SUMF1: variants seen among roughly 807,000 people sequenced by gnomAD.
SUMF1 encodes the protein sulfatase modifying factor 1.
In SUMF1, 48 loss-of-function variants were observed where a neutral mutation model predicts 47.6. That is an observed-to-expected ratio of 1.01 (90% CI 0.80 to 1.28). The LOEUF is 1.28. Among genes scored for constraint, SUMF1 ranks in the 50% most tolerant of loss-of-function variants. SUMF1 has a pLI of 0.00. For missense variants in SUMF1, 571 were observed against 485.4 expected, an observed-to-expected ratio of 1.18 and a Z score of -1.66; for synonymous variants, 230 against 192.1, an observed-to-expected ratio of 1.20 and a Z score of -1.63.
rs187158177 is a variant in SUMF1, at chr3:4,312,765, T to C, written c.1014+63565A>G. 9.5e-4 allele frequency: 940 copies of C among 994,366 alleles called. 6 individuals are homozygous for C. The highest frequency in any genetic ancestry group is 4.2e-3 in the Middle Eastern group (15 of 3,586). The allele number at this position is 994,366 out of a possible 1,614,324, so 61.6% of individuals were successfully genotyped here. On this transcript the variant is annotated intron_variant and NMD_transcript_variant, in intron 8 of 12. Transcript: ENST00000448413. ...GATGTTTTTGGACAATATCTTAGTA[T>C]GCTGTGTTTTGACAGTTTTGTCCTG...
chr3:4,212,860 G>GA (rs1248312402), intron 8 of SUMF1, among the ~76,000 whole-genome samples: 3 of 152,078 alleles, frequency 2.0e-5, no homozygotes, highest in Non-Finnish European at 2.9e-5. Context: ...CAAAATTAGA[G>GA]AAAAAATTAT....
chr3:4,177,275 C>T (rs1694987484), intron 8 of SUMF1, among the ~76,000 whole-genome samples: 1 of 152,070 alleles, frequency 6.6e-6, no homozygotes, highest in African/African-American at 2.4e-5. Flanking sequence ...CTAAAATTGA[C>T]CACATAATTG....
chr3:4,252,039 A>G (rs893732351), intron 8 of SUMF1, among the ~76,000 whole-genome samples: 1 of 152,208 alleles, frequency 6.6e-6, no homozygotes, highest in African/African-American at 2.4e-5. Context: ...CCAAACCTGC[A>G]ATATCTGCAA....
chr3:4,373,631 CAAT>C (rs1302162986), intron 8 of SUMF1, among the ~76,000 whole-genome samples: 2 of 149,992 alleles, frequency 1.3e-5, no homozygotes, highest in African/African-American at 4.9e-5. Flanking sequence ...TCAAACATTT[CAAT>C]AATAACACTA....
chr3:4,363,371 C>T (rs534431742), intron 8 of SUMF1, among the ~76,000 whole-genome samples: 88 of 152,196 alleles, frequency 5.8e-4, no homozygotes, highest in Non-Finnish European at 1.1e-3. Flanking sequence ...ATTGCTCTTC[C>T]ATTTCTTTGT....
chr3:4,281,931 GA>G (rs1697538078), intron 8 of SUMF1, among the ~76,000 whole-genome samples: 1 of 152,032 alleles, frequency 6.6e-6, no homozygotes, highest in Non-Finnish European at 1.5e-5. Context: ...ATTTCAGAAA[GA>G]AAGACAAATT....
At chr3:4,199,137 A>G (rs1278621221) in intron 8 of SUMF1, among the ~76,000 whole-genome samples, 1 of 152,110 alleles carries the variant, frequency 6.6e-6, no homozygotes, top group African/African-American at 2.4e-5. Flanking sequence ...GTTGCCTTGT[A>G]TCCAATTGCC....
intron 7 of SUMF1, among the ~76,000 whole-genome samples, chr3:4,391,826 CTTTTCTT>C (rs1700874722): frequency 1.5e-5 from 2 of 137,190 alleles, no homozygotes; most frequent in African/African-American, 5.6e-5. Context: ...CTTTTCTTTT[CTTTTCTT>C]TTTTTTTTTT....
At chr3:4,456,797 T>TAC (rs1559312604) in intron 1 of SUMF1, among the ~76,000 whole-genome samples, 3 of 26,746 alleles carry the variant, frequency 1.1e-4, no homozygotes, top group African/African-American at 3.0e-4. Flanking sequence ...TGTGTATATA[T>TAC]ACGTGTATAT....
intron 8 of SUMF1, among the ~76,000 whole-genome samples, chr3:4,288,440 T>C (rs1174882319): frequency 6.6e-6 from 1 of 152,098 alleles, no homozygotes; most frequent in African/African-American, 2.4e-5. Flanking sequence ...CATGGGTCTC[T>C]GTCCCTGAAA....
rs115603182 is a variant in SUMF1 at position 4,341,960 on chromosome 3, A to G, written c.1014+34370T>C. Among the ~76,000 whole-genome samples the G allele has an allele frequency of 4.6e-3, 703 of 152,340 alleles. 7 individuals carry two copies. Among genetic ancestry groups the G allele is most frequent in the African/African-American group, 0.016 (677 of 41,568 alleles). On this transcript the variant is annotated intron_variant and NMD_transcript_variant, in intron 8 of 12. Coordinates refer to the SUMF1 transcript ENST00000448413. ...AAGGACATACAAGGCAATAAGTAAT[A>G]ATTTATACTTTAGCACGAATCCAAT...
At chr3:4,433,555 C>A (rs1702302843) in intron 3 of SUMF1, among the ~76,000 whole-genome samples, 1 of 152,196 alleles carries the variant, frequency 6.6e-6, no homozygotes, top group East Asian at 1.9e-4. Context: ...CCTGCCCTTC[C>A]CGAATAACTC....
chr3:4,064,286 A>T (rs814277), intron 9 of SUMF1, among the ~76,000 whole-genome samples: 1 of 152,044 alleles, frequency 6.6e-6, no homozygotes, highest in Non-Finnish European at 1.5e-5. Context: ...ATCCTCACTG[A>T]TCATTATATG....
chr3:4,141,052 A>G (rs1574919633), intron 8 of SUMF1, among the ~76,000 whole-genome samples: 1 of 152,142 alleles, frequency 6.6e-6, no homozygotes, highest in East Asian at 1.9e-4. Flanking sequence ...ATCCATCCTC[A>G]TGTACAGCAT....
At chr3:4,452,570 T>C (rs559718560) in intron 2 of SUMF1, among the ~76,000 whole-genome samples, 2 of 152,332 alleles carry the variant, frequency 1.3e-5, no homozygotes, top group East Asian at 1.9e-4. Flanking sequence ...ATTAACACAA[T>C]ATAGCATAAT....
chr3:4,298,543 G>C (rs1344145339), intron 8 of SUMF1, among the ~76,000 whole-genome samples: 1 of 152,182 alleles, frequency 6.6e-6, no homozygotes, highest in Admixed American at 6.5e-5. Context: ...ATAGCAGACA[G>C]TATTACCAAG....
At chr3:4,303,460 C>T (rs1478324454) in intron 8 of SUMF1, 3 of 1,533,580 alleles carry the variant, frequency 2.0e-6, no homozygotes, top group East Asian at 2.7e-5. Flanking sequence ...AGCTGGATGT[C>T]GCGTGCGGCC....
intron 8 of SUMF1, among the ~76,000 whole-genome samples, chr3:4,075,646 A>T (rs1559449615): frequency 6.6e-6 from 1 of 152,172 alleles, no homozygotes; most frequent in Non-Finnish European, 1.5e-5. Flanking sequence ...GCAAAGTCTC[A>T]GGATACAAAA....
chr3:4,271,915 T>A (rs1697313482), intron 8 of SUMF1, among the ~76,000 whole-genome samples: 1 of 152,288 alleles, frequency 6.6e-6, no homozygotes. Flanking sequence ...TGAAGACTAT[T>A]CCTACATAGC....
Sources: gnomAD v4.1 joint callset for allele counts (sites outside exome capture counted in the v4.1 genomes callset) on GRCh38, gnomAD v4.1.1 for gene constraint, MANE v1.5 for transcripts, NCBI Gene and HGNC (gene_info 2026-07-23, HGNC 2026-07-21) for gene names.